Variants in KIF20B observed in about 807,000 individuals in gnomAD.
KIF20B encodes the protein kinesin-like protein KIF20B.
KIF20B carries 188 observed loss-of-function variants against 232.5 expected under a neutral mutation model. The ratio of observed to expected loss-of-function variants is 0.81; its 90% CI spans 0.72 to 0.91. KIF20B has a LOEUF of 0.91. KIF20B is among the 40% of genes least tolerant of loss of function. KIF20B has a pLI of 0.00. For missense variants in KIF20B, 2,154 were observed against 2,055.9 expected (o/e 1.05, Z -0.92); for synonymous variants, 712 against 683.0 (o/e 1.04, Z -0.66).
intron 25 of KIF20B, among the ~76,000 whole-genome samples, chr10:89,753,087 G>T (rs1408912553): frequency 6.6e-6 from 1 of 152,068 alleles, no homozygotes; most frequent in Non-Finnish European, 1.5e-5. Context: ...TTAATTATTG[G>T]AATAGAATTG....
intron 19 of KIF20B, among the ~76,000 whole-genome samples, chr10:89,733,925 G>T (rs1367668549): frequency 6.6e-6 from 1 of 152,146 alleles, no homozygotes; most frequent in Non-Finnish European, 1.5e-5. Context: ...AACATGCATT[G>T]CATTTGAGAA....
chr10:89,758,737 A>C lies in KIF20B; in HGVS notation c.4535A>C (p.Asp1512Ala). ...EILTAQLTEKDSDLQKWREER... is the reference protein window; with the variant it reads ...EILTAQLTEKASDLQKWREER... ...CTGACAGCCCAGCTGACAGAGAAAG[A>C]TAGTGACCTTCAAAAGTGGCGAGAA... Residue 1512 changes from aspartate to alanine, a missense_variant, in exon 27 of 33, where the codon GAT (aspartate) becomes GCT (alanine). Transcript: ENST00000371728. The C allele has an allele frequency of 1.9e-6, 3 of 1,605,478 alleles. No individual in the cohort carries two copies. Among genetic ancestry groups the C allele is most frequent in the Non-Finnish European group, 2.6e-6 (3 of 1,176,304 alleles).
chr10:89,725,543 A>G (rs1267792652), intron 15 of KIF20B, among the ~76,000 whole-genome samples: 2 of 152,182 alleles, frequency 1.3e-5, no homozygotes, highest in African/African-American at 4.8e-5. Context: ...GTTTATGTAT[A>G]AAAAGGGTTG....
chr10:89,757,040 G>GTGTATATATATATATATATATA (rs1301847520), intron 26 of KIF20B, among the ~76,000 whole-genome samples: 32 of 110,738 alleles, frequency 2.9e-4, no homozygotes, highest in South Asian at 1.3e-3. Flanking sequence ...GTGTGTGTGT[G>GTGTATATATATATATATATATA]TATATATATA....
chr10:89,745,217 G>A (rs757582798), intron 22 of KIF20B, among the ~76,000 whole-genome samples: 4 of 152,004 alleles, frequency 2.6e-5, no homozygotes, highest in Admixed American at 2.0e-4. Flanking sequence ...TAAAATAACC[G>A]GGTCATAACG....
chr10:89,725,206 A>G (rs769168864), intron 15 of KIF20B, 48 bp downstream of exon 15: 11 of 1,546,622 alleles, frequency 7.1e-6, no homozygotes, highest in Non-Finnish European at 1.8e-6. Flanking sequence ...TTTTGGTACC[A>G]GGGTTTAGTG....
chr10:89,739,726 A>C (rs1841752276), intron 21 of KIF20B, among the ~76,000 whole-genome samples: 1 of 151,822 alleles, frequency 6.6e-6, no homozygotes, highest in African/African-American at 2.4e-5. Context: ...AGGTCTGACA[A>C]ATATTAATAC....
intron 16 of KIF20B, 150 bp from the exon 17 acceptor site, chr10:89,727,706 T>A (rs1564663425): frequency 3.3e-6 from 2 of 608,624 alleles, no homozygotes; most frequent in East Asian, 8.0e-5. Flanking sequence ...TTTTTTTTAA[T>A]GAGTAGGGTG....
chr10:89,726,664 A>T, intron 16 of KIF20B, 143 bp downstream of exon 16: 1 of 661,710 alleles, frequency 1.5e-6, no homozygotes, highest in Non-Finnish European at 2.2e-6. Context: ...ATATTTTACC[A>T]TTTGTATGAC....
intron 7 of KIF20B, among the ~76,000 whole-genome samples, chr10:89,714,624 C>T (rs1025557881): frequency 6.6e-6 from 1 of 151,888 alleles, no homozygotes; most frequent in Non-Finnish European, 1.5e-5. Flanking sequence ...TGTGATGTTT[C>T]GTTTGTATTA....
rs753954878 is a variant in KIF20B, at chr10:89,754,588, C to T, written c.4418C>T (p.Ala1473Val). The part of the protein sequence containing the change: ...LEEKMMLITQ[A>V]KEAENIRNKE... ...GAAAAAATGATGCTTATCACTCAAG[C>T]GAAAGAAGCAGAGAATATACGAAAT... The change falls in exon 26 of 33, where the codon GCG becomes GTG. Residue 1473 changes from alanine to valine, a missense_variant. Ala to Val is a moderately conservative substitution (Grantham distance 64, BLOSUM62 0). Transcript: ENST00000371728. 26 of 1,602,180 alleles carry T rather than the reference C, an allele frequency of 1.6e-5. No homozygotes were observed. Among genetic ancestry groups the T allele is most frequent in the South Asian group, 9.0e-5 (8 of 88,594 alleles).
At chr10:89,733,748 C>T (rs900415017) in intron 19 of KIF20B, among the ~76,000 whole-genome samples, 2 of 152,086 alleles carry the variant, frequency 1.3e-5, no homozygotes, top group Non-Finnish European at 2.9e-5. Context: ...CTTATTTTAC[C>T]CCTTCCTCTT....
rs761108462 is a variant in KIF20B at position 89,705,493 on chromosome 10, G to A, written c.147+52G>A. The A allele has an allele frequency of 3.7e-5, 57 of 1,546,484 alleles. No individual in the cohort carries two copies. In the South Asian group the frequency reaches 6.6e-4, roughly 18 times the overall value. On this transcript the variant is annotated intron_variant, in intron 2 of 32. Transcript: ENST00000371728. ...ATTATCATGCCTCCTTCTAATGCAAGGGTTGGCAAACAATGGCCTGTTTTT... is the reference window on the plus strand; with the variant it reads ...ATTATCATGCCTCCTTCTAATGCAAAGGTTGGCAAACAATGGCCTGTTTTT...
At chr10:89,728,989 A>T (rs1213139709) in intron 17 of KIF20B, 139 bp from the exon 18 acceptor site, 1 of 706,584 alleles carries the variant, frequency 1.4e-6, no homozygotes, top group African/African-American at 1.9e-5. Flanking sequence ...CATGCTGTGC[A>T]TAGTGTGTTG....
chr10:89,724,072 C>A lies in KIF20B; in HGVS notation c.1831C>A (p.Gln611Lys). Residue 611 changes from glutamine to lysine, a missense_variant, in exon 14 of 33, where the codon CAG (glutamine) becomes AAG (lysine). Coordinates refer to ENST00000371728, the MANE Select transcript of KIF20B (RefSeq NM_001284259.2). ...AGAAGAAGTTACACAGGAGTTTACT[C>A]AGTATTGGGCTCAACGGGAAGCTGA... ...IREEVTQEFT[Q>K]YWAQREADFK... The A allele has an allele frequency of 6.6e-7, 1 of 1,518,490 alleles. No individual in the cohort carries two copies. Among genetic ancestry groups the A allele is most frequent in the South Asian group, 1.4e-5 (1 of 72,634 alleles). 94.1% of individuals were successfully genotyped at this position (1,518,490 alleles called of 1,614,324 possible). A position where few individuals can be genotyped will look rare whatever the true frequency, so the allele number is the denominator to read the frequency against.
chr10:89,739,724 C>G (rs907779012), intron 21 of KIF20B, among the ~76,000 whole-genome samples: 1 of 149,652 alleles, frequency 6.7e-6, no homozygotes, highest in African/African-American at 2.5e-5. Context: ...TAAGGTCTGA[C>G]AAATATTAAT....
intron 28 of KIF20B, among the ~76,000 whole-genome samples, chr10:89,761,205 T>C (rs962926106): frequency 6.6e-6 from 1 of 152,176 alleles, no homozygotes; most frequent in African/African-American, 2.4e-5. Context: ...GGAACCTTTT[T>C]AAGCACTGAG....
At chr10:89,739,768 A>G (rs1173587020) in intron 21 of KIF20B, among the ~76,000 whole-genome samples, 3 of 152,006 alleles carry the variant, frequency 2.0e-5, no homozygotes, top group Non-Finnish European at 2.9e-5. Context: ...TATAAAAGTG[A>G]CTACTGAATG....
Position 89,739,612 on chromosome 10 carries a change from A to G in KIF20B, c.3915+516A>G, listed in dbSNP as rs1463864331. Among the ~76,000 whole-genome samples the G allele has an allele frequency of 2.7e-5, 4 of 149,652 alleles. No individual in the cohort carries two copies. The East Asian group carries it at 7.8e-4, about 29-fold the overall frequency. ...TCCCTCCTTCCCATTTTCTTGTATG[A>G]CCACTTCATTTTCTGTCGTACTTAG... On this transcript the variant is annotated intron_variant, in intron 21 of 32. Coordinates refer to ENST00000371728, the MANE Select transcript of KIF20B (RefSeq NM_001284259.2).
Sources: allele counts gnomAD v4.1 joint callset (sites outside exome capture counted in the v4.1 genomes callset), GRCh38; gene constraint gnomAD v4.1.1; transcripts MANE v1.5; gene names NCBI Gene and HGNC (gene_info 2026-07-23, HGNC 2026-07-21).